Variants in LTA4H observed in about 807,000 individuals in gnomAD.
LTA4H encodes the protein leukotriene A4 hydrolase, also known as leukotriene A-4 hydrolase.
LTA4H carries 59 observed loss-of-function variants against 89.8 expected under a neutral mutation model. The observed-to-expected ratio is 0.66, with a 90% CI of 0.53 to 0.82. The LOEUF is 0.82. Ranked by LOEUF, LTA4H falls within the 40% of genes least tolerant of loss-of-function variation. The pLI is 0.00. For missense variants in LTA4H, 617 were observed against 727.0 expected (o/e 0.85, Z 1.74); for synonymous variants, 227 against 253.1 (o/e 0.90, Z 0.98).
At chr12:96,033,914 C>A (rs7298811) in intron 1 of LTA4H, among the ~76,000 whole-genome samples, 9,264 of 152,298 alleles carry the variant, frequency 0.061, 966 homozygotes, top group African/African-American at 0.21. Flanking sequence ...GTGCGATCTG[C>A]AAGGAAATAG....
intron 6 of LTA4H, among the ~76,000 whole-genome samples, chr12:96,020,421 A>G (rs984540334): frequency 1.3e-5 from 2 of 152,216 alleles, no homozygotes; most frequent in African/African-American, 2.4e-5. Flanking sequence ...TGAGGTATCT[A>G]AAGTAATCAA....
chr12:96,028,130 G>A (rs561042585), intron 2 of LTA4H, among the ~76,000 whole-genome samples: 1 of 152,114 alleles, frequency 6.6e-6, no homozygotes, highest in Non-Finnish European at 1.5e-5. Flanking sequence ...AAAAGTATCA[G>A]TCTATGACAG....
chr12:96,006,283 T>C, intron 16 of LTA4H, 31 bp downstream of exon 16: 1 of 1,428,154 alleles, frequency 7.0e-7, no homozygotes, highest in Non-Finnish European at 9.7e-7. Context: ...TCTGTCCATT[T>C]TAATTTCTAA....
chr12:96,031,342 G>A lies in LTA4H; in HGVS notation c.160-2157C>T, dbSNP rs544019791. Among the ~76,000 whole-genome samples, 12 of 152,264 alleles carry A rather than the reference G, an allele frequency of 7.9e-5. No homozygotes were observed. The South Asian group carries it at 1.0e-3, about 13-fold the overall frequency. On this transcript the variant is annotated intron_variant, in intron 1 of 18. Transcript: ENST00000228740. Reference sequence around the variant, plus strand: ...ACCAAGAGAAAACAAAAAATGCAATGTTTAAGCTGTATTATCTCAAGTCCT... The same window carrying A: ...ACCAAGAGAAAACAAAAAATGCAATATTTAAGCTGTATTATCTCAAGTCCT...
intron 3 of LTA4H, among the ~76,000 whole-genome samples, chr12:96,025,935 G>C (rs1950509099): frequency 6.6e-6 from 1 of 152,068 alleles, no homozygotes; most frequent in African/African-American, 2.4e-5. Context: ...CATTGAGACA[G>C]TCTACTAAAC....
chr12:96,019,052 A>C, intron 7 of LTA4H, 116 bp downstream of exon 7: 1 of 1,169,436 alleles, frequency 8.6e-7, no homozygotes, highest in Non-Finnish European at 1.2e-6. Context: ...CTACACATCT[A>C]CATAAAAGAC....
At chr12:96,037,998 A>AT (rs1207972161), upstream of LTA4H, among the ~76,000 whole-genome samples, 4 of 152,062 alleles carry the variant, frequency 2.6e-5, no homozygotes, top group Non-Finnish European at 5.9e-5. Context: ...CCGAGAAAGA[A>AT]TTTTTTTAAT....
rs563998348 is a variant in LTA4H, at chr12:96,002,028, T to C, written c.1719-922A>G. On this transcript the variant is annotated intron_variant, in intron 18 of 18. Coordinates refer to ENST00000228740, the MANE Select transcript of LTA4H (RefSeq NM_000895.3). ...GCCTACCACCACACCTGGCTAATTT[T>C]TTGTATTTTTAGTACAGACAGGGTT... Among the ~76,000 whole-genome samples the C allele has an allele frequency of 1.2e-4, 19 of 152,248 alleles. No homozygotes were observed. The East Asian group carries it at 3.1e-3, about 25-fold the overall frequency.
chr12:96,039,240 T>G (rs1025693191), upstream of LTA4H, among the ~76,000 whole-genome samples: 3 of 151,718 alleles, frequency 2.0e-5, no homozygotes, highest in Non-Finnish European at 2.9e-5. Context: ...GTAATAATAA[T>G]AATAAAAGAA....
At chr12:96,037,941 C>T (rs1950662849), upstream of LTA4H, among the ~76,000 whole-genome samples, 1 of 152,104 alleles carries the variant, frequency 6.6e-6, no homozygotes, top group Non-Finnish European at 1.5e-5. Flanking sequence ...CCACCCACCT[C>T]GGCCTCCCAA....
At chr12:96,001,132 G>C in intron 18 of LTA4H, 26 bp from the exon 19 acceptor site, 1 of 1,465,410 alleles carries the variant, frequency 6.8e-7, no homozygotes. Flanking sequence ...AAATTGAAAA[G>C]AAAGAAAGGC....
At chr12:96,021,018 T>C in intron 6 of LTA4H, 67 bp downstream of exon 6, 1 of 1,253,000 alleles carries the variant, frequency 8.0e-7, no homozygotes, top group Non-Finnish European at 1.1e-6. Context: ...CAATTAACCT[T>C]GAGAGAAGTT....
chr12:96,032,000 C>T (rs1357667726), intron 1 of LTA4H, among the ~76,000 whole-genome samples: 1 of 152,188 alleles, frequency 6.6e-6, no homozygotes. Context: ...TGATTTGATT[C>T]CCAGTTGAGA....
Position 96,000,963 on chromosome 12 carries a change from C to A in LTA4H, c.*26G>T. 1 of 1,410,398 alleles carries A rather than the reference C, an allele frequency of 7.1e-7. No individual in the cohort carries two copies. The highest frequency in any genetic ancestry group is 1.0e-6 in the Non-Finnish European group (1 of 995,766). 87.4% of individuals were successfully genotyped at this position (1,410,398 alleles called of 1,614,324 possible). A position where few individuals can be genotyped will look rare whatever the true frequency, so the allele number is the denominator to read the frequency against. On this transcript the variant is annotated 3_prime_UTR_variant, in exon 19 of 19. Transcript: ENST00000228740. ...CGAATTCCATTTAAAAAAGAGAAAT[C>A]TCTAAAATCATCAATACGCAGGTCT...
rs1187126399 is a variant in LTA4H at position 96,013,751 on chromosome 12, T to TTATC, written c.1303_1306dup (p.Lys436ArgfsTer2). ...ATAGAAAAGGTTTTTAAATCCAACCTTATCTTTAAAATAGGAATACAGGAA... is the reference window on the plus strand; with the variant it reads ...ATAGAAAAGGTTTTTAAATCCAACCTTATCTATCTTTAAAATAGGAATACAGGAA... On this transcript the variant is annotated stop_gained and frameshift_variant and splice_region_variant, in exon 13 of 19. Transcript: ENST00000228740. LOFTEE classifies it high-confidence loss of function. 1 of 1,496,512 alleles carries TTATC rather than the reference T, an allele frequency of 6.7e-7. No homozygotes were observed. Among genetic ancestry groups the TTATC allele is most frequent in the Non-Finnish European group, 9.2e-7 (1 of 1,087,386 alleles). The allele number at this position is 1,496,512 out of a possible 1,614,324, so 92.7% of individuals were successfully genotyped here.
At chr12:96,032,320 G>A (rs1009829094) in intron 1 of LTA4H, among the ~76,000 whole-genome samples, 16 of 152,190 alleles carry the variant, frequency 1.1e-4, no homozygotes, top group African/African-American at 3.6e-4. Context: ...AAGACATGAC[G>A]TCTCTCCTGA....
intron 15 of LTA4H, 133 bp from the exon 16 acceptor site, chr12:96,006,542 C>T (rs1346386712): frequency 1.9e-6 from 1 of 530,174 alleles, no homozygotes; most frequent in African/African-American, 1.9e-5. Context: ...TAAATTTAAG[C>T]CTGAGTTACT....
At chr12:96,029,868 A>G (rs908114083) in intron 1 of LTA4H, among the ~76,000 whole-genome samples, 1 of 152,180 alleles carries the variant, frequency 6.6e-6, no homozygotes. Context: ...GAACCTTCCT[A>G]TGCCACAAGA....
chr12:96,021,048 T>G (rs778819672), intron 6 of LTA4H, 37 bp downstream of exon 6: 3 of 1,571,944 alleles, frequency 1.9e-6, no homozygotes, highest in Non-Finnish European at 2.6e-6. Context: ...TAAGTTTTGA[T>G]CTTTCCACAA....
Sources: allele counts gnomAD v4.1 joint callset (sites outside exome capture counted in the v4.1 genomes callset), GRCh38; gene constraint gnomAD v4.1.1; transcripts MANE v1.5; gene names NCBI Gene and HGNC (gene_info 2026-07-23, HGNC 2026-07-21).